The following KCNJ5 variants were observed in gnomAD, a reference collection of about 807,000 sequenced individuals.
KCNJ5 encodes the protein G protein-activated inward rectifier potassium channel 4.
Under a neutral mutation model 20.2 loss-of-function variants are expected in KCNJ5, and 12 were observed. That is an observed-to-expected ratio of 0.59 (90% CI 0.38 to 0.96). The LOEUF (loss-of-function observed/expected upper bound fraction) is 0.96. KCNJ5 is among the 40% of genes least tolerant of loss of function. KCNJ5 has a pLI of 0.00. For missense variants in KCNJ5, 449 were observed against 557.6 expected (o/e 0.81, Z 1.96); for synonymous variants, 210 against 213.9 (o/e 0.98, Z 0.16).
At chr11:128,891,988 C>A (rs915343035) in intron 1 of KCNJ5, among the ~76,000 whole-genome samples, 1 of 152,230 alleles carries the variant, frequency 6.6e-6, no homozygotes, top group African/African-American at 2.4e-5. Context: ...CCTGGGGGTG[C>A]CCCAGATCTC....
chr11:128,916,241 A>T (rs201871818), intron 2 of KCNJ5, among the ~76,000 whole-genome samples, 168 bp from the exon 3 acceptor site: 1 of 13,994 alleles, frequency 7.1e-5, no homozygotes, highest in South Asian at 2.8e-3. Flanking sequence ...TGGATAGATG[A>T]TTAGATGGAT....
intron 1 of KCNJ5, among the ~76,000 whole-genome samples, chr11:128,909,511 G>A (rs998235242): frequency 4.6e-5 from 7 of 152,230 alleles, no homozygotes; most frequent in African/African-American, 1.4e-4. Flanking sequence ...GTATGTCTGC[G>A]GCAAGGGCTC....
chr11:128,903,418 C>G (rs1251820712), intron 1 of KCNJ5: 3 of 1,614,060 alleles, frequency 1.9e-6, no homozygotes, highest in Non-Finnish European at 2.5e-6. Context: ...CACAGACTCA[C>G]AGGTTCTGGT....
chr11:128,891,460 A>AGAGAGAGAGAGAGAGAGAGG lies in KCNJ5; in HGVS notation c.-256_-255insGAGGGAGAGAGAGAGAGAGA, dbSNP rs1565540584. 6.6e-6 allele frequency: 1 copy of AGAGAGAGAGAGAGAGAGAGG among 150,746 alleles called. No individual in the cohort carries two copies. The highest frequency in any genetic ancestry group is 2.5e-5 in the African/African-American group (1 of 39,888). The allele number at this position is 150,746 out of a possible 1,614,324, so 9.3% of individuals were successfully genotyped here. ...CACACACAGAGAGAGAGAGAGAGAG[A>AGAGAGAGAGAGAGAGAGAGG]GAGAGAGAGAGAGAGATTGTTCCAG... On this transcript the variant is annotated 5_prime_UTR_variant, in exon 1 of 3. Coordinates refer to ENST00000529694, the MANE Select transcript of KCNJ5 (RefSeq NM_000890.5).
intron 1 of KCNJ5, chr11:128,903,591 G>C (rs959458012): frequency 6.7e-7 from 1 of 1,495,396 alleles, no homozygotes; most frequent in Admixed American, 1.8e-5. Flanking sequence ...TTTCTACTGC[G>C]GGGGCCGTTG....
chr11:128,893,198 A>G (rs1944120934), intron 1 of KCNJ5, among the ~76,000 whole-genome samples: 1 of 152,206 alleles, frequency 6.6e-6, no homozygotes, highest in African/African-American at 2.4e-5. Context: ...CTGGTATTTT[A>G]AACTATCTAT....
chr11:128,898,836 C>G (rs1028647689), intron 1 of KCNJ5, among the ~76,000 whole-genome samples: 2 of 152,138 alleles, frequency 1.3e-5, no homozygotes, highest in Non-Finnish European at 2.9e-5. Context: ...ACCACCACGC[C>G]CAGCTCATTT....
intron 1 of KCNJ5, among the ~76,000 whole-genome samples, chr11:128,893,059 A>T (rs1161809590): frequency 6.6e-6 from 1 of 152,192 alleles, no homozygotes; most frequent in Non-Finnish European, 1.5e-5. Context: ...GCCAGGTGTA[A>T]ATTGCATCAT....
chr11:128,893,415 T>TAGCA (rs1310447798), intron 1 of KCNJ5, among the ~76,000 whole-genome samples: 1 of 150,422 alleles, frequency 6.6e-6, no homozygotes, highest in East Asian at 1.9e-4. Context: ...TGGGGCAACA[T>TAGCA]AGCAAGACCC....
At chr11:128,904,478 TTGTCCAGCTCCCAGCTGATGGCAG>T in intron 1 of KCNJ5, 1 of 1,609,102 alleles carries the variant, frequency 6.2e-7, no homozygotes, top group Non-Finnish European at 8.5e-7. Context: ...CATCAGCACG[TTGTCCAGCTCCCAGCTGATGGCAG>T]CGTGCGTCCA....
chr11:128,913,041 G>A (rs957060509), intron 2 of KCNJ5, among the ~76,000 whole-genome samples: 5 of 152,178 alleles, frequency 3.3e-5, no homozygotes, highest in African/African-American at 7.2e-5. Flanking sequence ...AAACAAAAGC[G>A]AACTGGTTTC....
At chr11:128,893,338 T>C (rs969943727) in intron 1 of KCNJ5, among the ~76,000 whole-genome samples, 2 of 151,578 alleles carry the variant, frequency 1.3e-5, no homozygotes, top group East Asian at 1.9e-4. Flanking sequence ...AAACAACACA[T>C]AGAGAAATTG....
chr11:128,902,343 A>C (rs2135988580), intron 1 of KCNJ5: 1 of 629,628 alleles, frequency 1.6e-6, no homozygotes. Flanking sequence ...GCAGTCAGAC[A>C]TCTCTCCCCA....
At chr11:128,909,247 G>A (rs553883760) in intron 1 of KCNJ5, among the ~76,000 whole-genome samples, 2 of 152,342 alleles carry the variant, frequency 1.3e-5, no homozygotes, top group Admixed American at 1.3e-4. Flanking sequence ...TGGTTGACAG[G>A]CCTTTTTCCA....
intron 1 of KCNJ5, among the ~76,000 whole-genome samples, chr11:128,904,009 G>T (rs910086129): frequency 1.3e-5 from 2 of 152,160 alleles, no homozygotes; most frequent in African/African-American, 2.4e-5. Context: ...AACCTAGCCC[G>T]CTGCTTAGTA....
intron 2 of KCNJ5, among the ~76,000 whole-genome samples, chr11:128,913,176 G>C (rs1429169937): frequency 6.6e-6 from 1 of 152,214 alleles, no homozygotes; most frequent in Non-Finnish European, 1.5e-5. Context: ...TTTGCTGCAG[G>C]GGAAGGGCTT....
rs1163299281 is a variant in KCNJ5 at position 128,916,718 on chromosome 11, G to A, written c.1247G>A (p.Arg416Lys). 13 of 1,603,692 alleles carry A rather than the reference G, an allele frequency of 8.1e-6. No individual in the cohort carries two copies. The highest frequency in any genetic ancestry group is 1.7e-5 in the Admixed American group (1 of 57,964). The change falls in exon 3 of 3, where the codon AGG becomes AAG. Residue 416 changes from arginine (R) to lysine (K), a missense_variant. Arg to Lys is a conservative substitution (Grantham distance 26). Coordinates refer to ENST00000529694, the MANE Select transcript of KCNJ5 (RefSeq NM_000890.5). ...GGGCTGGGTGGGTCCAGGGAGGCCA[G>A]GGGCTCGGTGTGAGGGGTGCAGCCT... Reference protein sequence around the residue: ...PKGLGGSREARGSV With the variant: ...PKGLGGSREAKGSV
intron 1 of KCNJ5, chr11:128,899,949 G>A (rs1000957433): frequency 6.6e-6 from 1 of 151,986 alleles, no homozygotes; most frequent in Non-Finnish European, 1.5e-5. Flanking sequence ...CTGGCAGGTT[G>A]GGAAACTCAG....
chr11:128,896,597 G>A (rs1944180093), intron 1 of KCNJ5, among the ~76,000 whole-genome samples: 2 of 148,362 alleles, frequency 1.3e-5, no homozygotes, highest in South Asian at 4.3e-4. Context: ...GTGCATGTGT[G>A]CTTGTTGGGG....
Sources: allele counts gnomAD v4.1 joint callset (sites outside exome capture counted in the v4.1 genomes callset), GRCh38; gene constraint gnomAD v4.1.1; transcripts MANE v1.5; gene names NCBI Gene and HGNC (gene_info 2026-07-23, HGNC 2026-07-21).